Variants in CNTN1 observed in about 807,000 individuals in gnomAD.
CNTN1 encodes contactin 1, also known as contactin-1.
CNTN1 carries 38 observed loss-of-function variants against 126.4 expected under a neutral mutation model. That is an observed-to-expected ratio of 0.30 (90% confidence interval 0.23 to 0.39). The LOEUF (loss-of-function observed/expected upper bound fraction) is 0.39. Ranked by LOEUF, CNTN1 falls within the 10% of genes least tolerant of loss-of-function variation. CNTN1 has a pLI of 1.00. For missense variants in CNTN1, 1,009 were observed against 1,248.4 expected (o/e 0.81, Z 2.89); for synonymous variants, 413 against 422.6 (o/e 0.98, Z 0.28).
intron 17 of CNTN1, among the ~76,000 whole-genome samples, chr12:40,995,722 G>A (rs1566108609): frequency 6.6e-6 from 1 of 152,022 alleles, no homozygotes; most frequent in East Asian, 1.9e-4. Flanking sequence ...GTAGTGATAT[G>A]AGATGATTCA....
At chr12:41,066,214 T>C (rs1444165399) in intron 23 of CNTN1, among the ~76,000 whole-genome samples, 1 of 152,338 alleles carries the variant, frequency 6.6e-6, no homozygotes, top group Non-Finnish European at 1.5e-5. Flanking sequence ...ATATTATCTC[T>C]TTAATAGGAA....
At chr12:40,916,448 T>A (rs948200448) in intron 3 of CNTN1, among the ~76,000 whole-genome samples, 2 of 152,038 alleles carry the variant, frequency 1.3e-5, no homozygotes, top group Non-Finnish European at 2.9e-5. Context: ...CTTTCAGAAA[T>A]CAGAAAATCC....
At chr12:41,020,286 T>C (rs746038640) in intron 19 of CNTN1, 51 bp from the exon 20 acceptor site, 1 of 1,185,054 alleles carries the variant, frequency 8.4e-7, no homozygotes, top group South Asian at 1.3e-5. Context: ...TATTCGAATT[T>C]CTTAAATGTA....
intron 23 of CNTN1, among the ~76,000 whole-genome samples, chr12:41,048,758 AAG>A (rs1266473648): frequency 6.6e-6 from 1 of 152,230 alleles, no homozygotes; most frequent in Admixed American, 6.6e-5. Flanking sequence ...GAAGGAGAGA[AAG>A]AGAAGAAGGA....
At chr12:40,771,168 A>T (rs1017506778) in intron 1 of CNTN1, among the ~76,000 whole-genome samples, 1 of 152,130 alleles carries the variant, frequency 6.6e-6, no homozygotes, top group Non-Finnish European at 1.5e-5. Flanking sequence ...ATTAGACATA[A>T]ATTTAATTCT....
intron 1 of CNTN1, among the ~76,000 whole-genome samples, chr12:40,774,101 C>G (rs1378024894): frequency 6.6e-6 from 1 of 151,520 alleles, no homozygotes; most frequent in Non-Finnish European, 1.5e-5. Flanking sequence ...TGAGCAAAAA[C>G]ATGTAATTCC....
At chr12:40,925,457 C>T in intron 6 of CNTN1, among the ~76,000 whole-genome samples, 1 of 150,730 alleles carries the variant, frequency 6.6e-6, no homozygotes, top group East Asian at 2.0e-4. Flanking sequence ...ATACATCAAT[C>T]TGATGTGTGT....
At chr12:40,814,903 G>A (rs1941208318) in intron 1 of CNTN1, among the ~76,000 whole-genome samples, 1 of 152,084 alleles carries the variant, frequency 6.6e-6, no homozygotes, top group Admixed American at 6.6e-5. Flanking sequence ...TCCTCGAAAA[G>A]GTCCTTCCCA....
At chr12:40,967,726 C>CTCGAAGTCTCGAAGT (rs1947358678) in intron 15 of CNTN1, among the ~76,000 whole-genome samples, 2 of 151,974 alleles carry the variant, frequency 1.3e-5, no homozygotes, top group Admixed American at 1.3e-4. Flanking sequence ...ATCAGAGATA[C>CTCGAAGTCTCGAAGT]CTACAAGTCT....
intron 3 of CNTN1, among the ~76,000 whole-genome samples, chr12:40,911,067 G>A (rs538605274): frequency 6.6e-6 from 1 of 152,146 alleles, no homozygotes; most frequent in East Asian, 1.9e-4. Context: ...GAGGCGAAAG[G>A]CACTTTTTAA....
intron 9 of CNTN1, among the ~76,000 whole-genome samples, chr12:40,936,010 T>G (rs1335537511): frequency 6.6e-6 from 1 of 152,092 alleles, no homozygotes. Flanking sequence ...TCTTCCTACT[T>G]CCTTTTTGTA....
chr12:40,969,922 T>C (rs930591763), intron 15 of CNTN1, among the ~76,000 whole-genome samples: 1 of 151,790 alleles, frequency 6.6e-6, no homozygotes, highest in Non-Finnish European at 1.5e-5. Flanking sequence ...GTGTAATTAT[T>C]CCCAGAATGG....
chr12:41,001,025 G>T (rs1401380899), intron 17 of CNTN1, among the ~76,000 whole-genome samples: 1 of 152,112 alleles, frequency 6.6e-6, no homozygotes, highest in East Asian at 1.9e-4. Context: ...TCTTTATGCA[G>T]TCTATCACTG....
chr12:40,980,951 G>C lies in CNTN1; in HGVS notation c.1847G>C (p.Arg616Thr). 1 of 1,613,940 alleles carries C rather than the reference G, an allele frequency of 6.2e-7. No homozygotes were observed. Among genetic ancestry groups the C allele is most frequent in the Non-Finnish European group, 8.5e-7 (1 of 1,179,910 alleles). The change falls in exon 16 of 24, where the codon AGA becomes ACA. Residue 616 changes from arginine (R) to threonine (T), a missense_variant. Transcript: ENST00000551295. ...GGTGGTCTGAGAATAGAAGACATTA[G>C]AGCCACTTCTGTGGCACTTACTTGG... is the stretch of plus-strand genomic sequence containing the variant. Reference protein sequence around the residue: ...PPGGLRIEDIRATSVALTWSR... With the variant: ...PPGGLRIEDITATSVALTWSR...
chr12:40,964,325 G>T (rs1292546104), intron 15 of CNTN1, among the ~76,000 whole-genome samples: 3 of 152,018 alleles, frequency 2.0e-5, no homozygotes, highest in East Asian at 1.9e-4. Flanking sequence ...CTTTTGGCCT[G>T]GTTCTCAACT....
chr12:40,835,988 G>GTA, intron 1 of CNTN1, among the ~76,000 whole-genome samples: 1 of 25,348 alleles, frequency 3.9e-5, no homozygotes, highest in Admixed American at 8.0e-4. Flanking sequence ...GTATATATAT[G>GTA]TGTGTGTGTG....
intron 1 of CNTN1, among the ~76,000 whole-genome samples, chr12:40,883,877 G>A (rs541508241): frequency 6.6e-6 from 1 of 151,552 alleles, no homozygotes; most frequent in Non-Finnish European, 1.5e-5. Flanking sequence ...ATCACTATAA[G>A]AGAAATGCAC....
chr12:41,039,575 G>T (rs1949350103), intron 23 of CNTN1, among the ~76,000 whole-genome samples: 2 of 152,130 alleles, frequency 1.3e-5, no homozygotes, highest in African/African-American at 2.4e-5. Context: ...AGTTCAATAT[G>T]CCTATGAGAC....
At chr12:40,949,178 GATAAAA>G (rs1946554110) in intron 14 of CNTN1, among the ~76,000 whole-genome samples, 2 of 115,670 alleles carry the variant, frequency 1.7e-5, no homozygotes, top group African/African-American at 6.3e-5. Flanking sequence ...GAGGAAAAAT[GATAAAA>G]CAGAAGTCAA....
Sources: gnomAD v4.1 joint callset for allele counts (sites outside exome capture counted in the v4.1 genomes callset) on GRCh38, gnomAD v4.1.1 for gene constraint, MANE v1.5 for transcripts, NCBI Gene and HGNC (gene_info 2026-07-23, HGNC 2026-07-21) for gene names.